Variants in TMEM132D observed in about 807,000 individuals in gnomAD.
TMEM132D encodes the protein transmembrane protein 132D, also known as mature OL transmembrane protein.
A neutral mutation model predicts 62.3 loss-of-function variants in TMEM132D; 21 were observed. That is an observed-to-expected ratio of 0.34 (90% confidence interval 0.24 to 0.49). TMEM132D has a LOEUF of 0.49. Ranked by LOEUF, TMEM132D falls within the 20% of genes least tolerant of loss-of-function variation. The pLI is 0.99. For synonymous variants in TMEM132D, 621 were observed against 575.6 expected (o/e 1.08, Z -1.13); for missense variants, 1,346 against 1,402.8 (o/e 0.96, Z 0.65).
intron 4 of TMEM132D, among the ~76,000 whole-genome samples, chr12:129,237,644 G>A (rs1024978667): frequency 2.0e-5 from 3 of 151,972 alleles, no homozygotes; most frequent in African/African-American, 7.3e-5. Flanking sequence ...CTGTTTTATG[G>A]CCTAGGATAT....
At chr12:129,290,035 C>A (rs1881407802) in intron 4 of TMEM132D, among the ~76,000 whole-genome samples, 1 of 152,140 alleles carries the variant, frequency 6.6e-6, no homozygotes, top group Admixed American at 6.5e-5. Flanking sequence ...AGGTTCATAT[C>A]AATGTTTATT....
chr12:129,500,476 A>G (rs1314483129), intron 3 of TMEM132D, among the ~76,000 whole-genome samples: 1 of 152,140 alleles, frequency 6.6e-6, no homozygotes, highest in Non-Finnish European at 1.5e-5. Context: ...GATTGCTAAC[A>G]ATTGTGTAGA....
intron 1 of TMEM132D, among the ~76,000 whole-genome samples, chr12:129,743,717 T>A (rs1244112548): frequency 6.6e-6 from 1 of 152,132 alleles, no homozygotes. Flanking sequence ...GTTAGGGATC[T>A]TGAGATGAGA....
intron 1 of TMEM132D, among the ~76,000 whole-genome samples, chr12:129,874,275 C>A (rs1874342288): frequency 6.6e-6 from 1 of 152,182 alleles, no homozygotes; most frequent in South Asian, 2.1e-4. Flanking sequence ...TAAATACATA[C>A]AATTTTTACT....
chr12:129,142,678 T>C (rs1876778465), intron 5 of TMEM132D, among the ~76,000 whole-genome samples: 1 of 152,220 alleles, frequency 6.6e-6, no homozygotes, highest in African/African-American at 2.4e-5. Flanking sequence ...GTTTAACGAC[T>C]GGTAAGTTGG....
At chr12:129,135,239 A>G (rs907827840) in intron 5 of TMEM132D, among the ~76,000 whole-genome samples, 20 of 152,144 alleles carry the variant, frequency 1.3e-4, no homozygotes, top group Non-Finnish European at 1.9e-4. Flanking sequence ...TGCAGTTTGG[A>G]TATATAAACC....
chr12:129,517,021 T>C (rs532788057), intron 3 of TMEM132D, among the ~76,000 whole-genome samples: 28 of 152,320 alleles, frequency 1.8e-4, no homozygotes, highest in African/African-American at 6.0e-4. Context: ...TGTAATTACA[T>C]GGGACCCATC....
At chr12:129,446,617 C>T (rs569587945) in intron 3 of TMEM132D, among the ~76,000 whole-genome samples, 1 of 152,298 alleles carries the variant, frequency 6.6e-6, no homozygotes, top group South Asian at 2.1e-4. Context: ...TCTCAGTCCT[C>T]CCTACCTCCT....
chr12:129,701,189 T>C (rs1881377484), intron 1 of TMEM132D, among the ~76,000 whole-genome samples: 2 of 152,204 alleles, frequency 1.3e-5, no homozygotes, highest in South Asian at 4.1e-4. Flanking sequence ...CTGATACATA[T>C]TCCTTTGTGT....
chr12:129,770,140 G>GTTTTTTTTTTTTTTTTTTTTTTTTT lies in TMEM132D; in HGVS notation c.80-69443_80-69442insAAAAAAAAAAAAAAAAAAAAAAAAA, dbSNP rs375230592. Among the ~76,000 whole-genome samples, 6 of 104,310 alleles carry GTTTTTTTTTTTTTTTTTTTTTTTTT rather than the reference G, an allele frequency of 5.8e-5. 3 individuals carry two copies. The highest frequency in any genetic ancestry group is 3.7e-5 in the Non-Finnish European group (2 of 54,156). The allele number at this position is 104,310 out of a possible 152,430, so 68.4% of individuals were successfully genotyped here. A position where few individuals can be genotyped will look rare whatever the true frequency, so the allele number is the denominator to read the frequency against. On this transcript the variant is annotated intron_variant, in intron 1 of 8. Coordinates refer to ENST00000422113, the MANE Select transcript of TMEM132D (RefSeq NM_133448.3). ...ATGAGATTCTTTGTGGGTTTTTTTG[G>GTTTTTTTTTTTTTTTTTTTTTTTTT]TTGTTTTTTTTTTTTTTTTTTGAGA...
chr12:129,509,846 C>G (rs886744536), intron 3 of TMEM132D, among the ~76,000 whole-genome samples: 1 of 152,086 alleles, frequency 6.6e-6, no homozygotes, highest in Non-Finnish European at 1.5e-5. Context: ...ATATATGTAC[C>G]TCATTTCCTT....
At chr12:129,648,716 GC>G (rs1331236235) in intron 2 of TMEM132D, among the ~76,000 whole-genome samples, 1 of 152,196 alleles carries the variant, frequency 6.6e-6, no homozygotes, top group African/African-American at 2.4e-5. Context: ...CCAAAGTGGT[GC>G]CTAAACCACA....
intron 3 of TMEM132D, among the ~76,000 whole-genome samples, chr12:129,388,057 T>C (rs80048919): frequency 2.0e-5 from 2 of 101,740 alleles, no homozygotes; most frequent in African/African-American, 3.8e-5. Context: ...ATATGAACAC[T>C]AACACGAGTC....
chr12:129,429,715 C>T (rs1401968821), intron 3 of TMEM132D, among the ~76,000 whole-genome samples: 1 of 149,874 alleles, frequency 6.7e-6, no homozygotes, highest in Admixed American at 6.6e-5. Context: ...GGTATATCTC[C>T]TAATGCTATC....
intron 3 of TMEM132D, among the ~76,000 whole-genome samples, chr12:129,436,384 ATATAAT>A (rs1313786121): frequency 2.6e-5 from 4 of 152,164 alleles, no homozygotes; most frequent in African/African-American, 9.7e-5. Context: ...TCTCATATAT[ATATAAT>A]TATATTTTAT....
chr12:129,396,918 C>T (rs904244158), intron 3 of TMEM132D, among the ~76,000 whole-genome samples: 8 of 152,116 alleles, frequency 5.3e-5, no homozygotes, highest in Admixed American at 1.3e-4. Flanking sequence ...TGTAACCTGA[C>T]AATGTATCCA....
At chr12:129,510,955 G>C (rs1875480402) in intron 3 of TMEM132D, among the ~76,000 whole-genome samples, 1 of 152,182 alleles carries the variant, frequency 6.6e-6, no homozygotes, top group South Asian at 2.1e-4. Context: ...CTATAGCTCA[G>C]TAGTATAATT....
At chr12:129,831,964 G>A (rs558075108) in intron 1 of TMEM132D, among the ~76,000 whole-genome samples, 46 of 144,434 alleles carry the variant, frequency 3.2e-4, no homozygotes, top group Non-Finnish European at 6.3e-4. Context: ...CCACCTCCCG[G>A]GTTCCAGAGA....
chr12:129,126,945 T>C (rs774752461), intron 5 of TMEM132D, among the ~76,000 whole-genome samples: 3 of 152,220 alleles, frequency 2.0e-5, no homozygotes, highest in Non-Finnish European at 2.9e-5. Flanking sequence ...TTCAGTGATG[T>C]TGGGCATGTG....
Sources: gnomAD v4.1 joint callset for allele counts (sites outside exome capture counted in the v4.1 genomes callset) on GRCh38, gnomAD v4.1.1 for gene constraint, MANE v1.5 for transcripts, NCBI Gene and HGNC (gene_info 2026-07-23, HGNC 2026-07-21) for gene names.